The following PCDHA3 variants were observed in gnomAD, a reference collection of about 807,000 sequenced individuals.
PCDHA3 encodes the protein protocadherin alpha-3.
Under a neutral mutation model 62.2 loss-of-function variants are expected in PCDHA3, and 41 were observed. The ratio of observed to expected loss-of-function variants is 0.66; its 90% confidence interval spans 0.51 to 0.86. The LOEUF (loss-of-function observed/expected upper bound fraction) is 0.86. PCDHA3 is among the 40% of genes least tolerant of loss of function. The pLI is 0.00. For synonymous variants in PCDHA3, 640 were observed against 555.4 expected (o/e 1.15, Z -2.14); for missense variants, 1,304 against 1,241.2 (o/e 1.05, Z -0.76).
rs1465776999 is a variant in PCDHA3 at position 140,824,628 on chromosome 5, TTTTTA to T, written c.2394+21042_2394+21046del. ...AATTAAAGTTTTTTTTTTTTTTTTT[TTTTTA>T]TTTTCTGTAGAGATAGGGGTCTTGC... On this transcript the variant is annotated intron_variant, in intron 1 of 3. Coordinates refer to ENST00000522353, the MANE Select transcript of PCDHA3 (RefSeq NM_018906.3). The T allele has an allele frequency of 8.8e-4, 116 of 131,430 alleles. 1 individual carries two copies. Among genetic ancestry groups the T allele is most frequent in the African/African-American group, 3.0e-3 (87 of 28,634 alleles). 8.1% of individuals were successfully genotyped at this position (131,430 alleles called of 1,614,324 possible). A position where few individuals can be genotyped will look rare whatever the true frequency, so the allele number is the denominator to read the frequency against.
intron 3 of PCDHA3, among the ~76,000 whole-genome samples, chr5:141,002,660 T>C (rs1366913026): frequency 1.3e-5 from 2 of 152,170 alleles, no homozygotes; most frequent in Admixed American, 1.3e-4. Context: ...AGGGCTCTTG[T>C]CAGGACCAAA....
chr5:140,966,724 C>G (rs1357964806), intron 1 of PCDHA3: 25 of 1,396,170 alleles, frequency 1.8e-5, no homozygotes, highest in Non-Finnish European at 2.3e-5. Context: ...GGGAAGCTGC[C>G]GCCTCCGGCC....
Position 140,802,819 on chromosome 5 carries a change from G to C in PCDHA3, c.1622G>C (p.Gly541Ala). The C allele has an allele frequency of 1.9e-6, 3 of 1,613,580 alleles. No homozygotes were observed. Among genetic ancestry groups the C allele is most frequent in the Non-Finnish European group, 2.5e-6 (3 of 1,179,912 alleles). Residue 541 changes from glycine (G) to alanine (A), a missense_variant, in exon 1 of 4, where the codon GGC becomes GCC. Transcript: ENST00000522353. ...LQFQVSARDA[G>A]VPPLGSNVTL... ...TTCCAGGTGAGTGCGCGCGATGCGG[G>C]CGTGCCGCCTCTGGGCAGCAACGTG...
chr5:140,802,772 C>G lies in PCDHA3; in HGVS notation c.1575C>G (p.His525Gln). 1 of 1,613,090 alleles carries G rather than the reference C, an allele frequency of 6.2e-7. No individual in the cohort carries two copies. Among genetic ancestry groups the G allele is most frequent in the Non-Finnish European group, 8.5e-7 (1 of 1,179,894 alleles). Residue 525 changes from histidine (H) to glutamine (Q), a missense_variant, in exon 1 of 4, where the codon CAC becomes CAG. His to Gln is a conservative substitution (Grantham distance 24). Coordinates refer to ENST00000522353, the MANE Select transcript of PCDHA3 (RefSeq NM_018906.3). ...TGTACGCGCTGCAGCCGCTGGACCA[C>G]GAGGAGCTAGAGCTGCTGCAGTTCC... ...GKVYALQPLD[H>Q]EELELLQFQV... is the part of the protein sequence containing the mutation.
intron 1 of PCDHA3, chr5:140,852,656 G>C (rs2042430108): frequency 1.0e-6 from 1 of 961,570 alleles, no homozygotes; most frequent in African/African-American, 1.8e-5. Context: ...ATCTATATCT[G>C]TCTATCAGCA....
chr5:140,923,019 C>T (rs540025993), intron 1 of PCDHA3, among the ~76,000 whole-genome samples: 4 of 152,168 alleles, frequency 2.6e-5, no homozygotes, highest in South Asian at 2.1e-4. Context: ...ACTGCAGTTT[C>T]GGACTCTATT....
Position 140,801,673 on chromosome 5 carries a change from A to G in PCDHA3, c.476A>G (p.Asp159Gly), listed in dbSNP as rs557240435. The G allele has an allele frequency of 6.2e-7, 1 of 1,614,244 alleles. No homozygotes were observed. Among genetic ancestry groups the G allele is most frequent in the Admixed American group, 1.7e-5 (1 of 60,032 alleles). Reference sequence around the variant, plus strand: ...CGGTTTTCGCTAGAGGGCGCATCAGATGCAGATATCGGAACAAATTCGTTG... The same window carrying G: ...CGGTTTTCGCTAGAGGGCGCATCAGGTGCAGATATCGGAACAAATTCGTTG... ...GSRFSLEGAS[D>G]ADIGTNSLLT... Residue 159 changes from aspartate (D) to glycine (G), a missense_variant, in exon 1 of 4, where the codon GAT becomes GGT. Asp to Gly is a moderately conservative substitution (Grantham distance 94). Coordinates refer to ENST00000522353, the MANE Select transcript of PCDHA3 (RefSeq NM_018906.3).
intron 1 of PCDHA3, chr5:140,822,271 C>T: frequency 6.2e-7 from 1 of 1,614,210 alleles, no homozygotes; most frequent in Non-Finnish European, 8.5e-7. Context: ...AGCAAATGCA[C>T]AATTGAGATA....
At position 140,927,469 on chromosome 5, in the gene PCDHA3, C is replaced by G. The variant is rs17844359; in HGVS notation, c.2395-51480C>G. ...GTTGGTGTTGGAGAAAGCACTGGATCGCGAACAGCGCGCCACCCACCTGCT... is the reference window on the plus strand; with the variant it reads ...GTTGGTGTTGGAGAAAGCACTGGATGGCGAACAGCGCGCCACCCACCTGCT... On this transcript the variant is annotated intron_variant, in intron 1 of 3. Transcript: ENST00000522353. 39 of 1,613,964 alleles carry G rather than the reference C, an allele frequency of 2.4e-5. No individual in the cohort carries two copies. The highest frequency in any genetic ancestry group is 1.3e-4 in the South Asian group (12 of 91,094).
intron 1 of PCDHA3, among the ~76,000 whole-genome samples, chr5:140,908,003 C>G (rs1325602233): frequency 1.3e-5 from 2 of 152,164 alleles, no homozygotes; most frequent in Non-Finnish European, 2.9e-5. Context: ...ACCATCCAGC[C>G]AAACCACTGG....
At chr5:140,828,466 C>T in intron 1 of PCDHA3, 2 of 1,614,242 alleles carry the variant, frequency 1.2e-6, no homozygotes, top group East Asian at 2.2e-5. Flanking sequence ...AGGTGAGGGA[C>T]ATTAACGACA....
intron 1 of PCDHA3, among the ~76,000 whole-genome samples, chr5:140,936,528 T>C (rs2091012406): frequency 6.6e-6 from 1 of 152,244 alleles, no homozygotes; most frequent in Non-Finnish European, 1.5e-5. Flanking sequence ...TGAAATTGCT[T>C]TTGAATATAG....
At chr5:140,968,287 C>G (rs7712041) in intron 1 of PCDHA3, 1 of 1,613,902 alleles carries the variant, frequency 6.2e-7, no homozygotes, top group South Asian at 1.1e-5. Context: ...TGACCTACTC[C>G]CTTCTGGAGA....
intron 1 of PCDHA3, chr5:140,867,827 C>A (rs1219513690): frequency 2.0e-5 from 3 of 152,066 alleles, no homozygotes; most frequent in Non-Finnish European, 4.4e-5. Context: ...TCCACAAGCA[C>A]TAAGGTAATT....
chr5:140,801,888 A>T lies in PCDHA3; in HGVS notation c.691A>T (p.Thr231Ser). The T allele has an allele frequency of 6.2e-7, 1 of 1,614,168 alleles. No individual in the cohort carries two copies. Among genetic ancestry groups the T allele is most frequent in the Non-Finnish European group, 8.5e-7 (1 of 1,180,018 alleles). The change falls in exon 1 of 4, where the codon ACT (threonine) becomes TCT (serine). Residue 231 changes from threonine (T) to serine (S), a missense_variant. By Grantham distance (58) the Thr-to-Ser change is moderately conservative. Coordinates refer to ENST00000522353, the MANE Select transcript of PCDHA3 (RefSeq NM_018906.3). Reference protein sequence around the residue: ...ELTGTTQLKITVLDVNDNAPA... With the variant: ...ELTGTTQLKISVLDVNDNAPA... ...CACTGGCACGACTCAACTAAAGATC[A>T]CTGTTTTAGATGTAAACGACAACGC... is the stretch of plus-strand genomic sequence containing the variant.
chr5:140,858,039 T>C lies in PCDHA3; in HGVS notation c.2394+54448T>C, dbSNP rs782597618. On this transcript the variant is annotated intron_variant, in intron 1 of 3. Transcript: ENST00000522353. ...CCGTCGCTGACGGCCACGGCCACTG[T>C]GCTTGTGTCGCTTGTGGAGGGCAGC... 1.1e-5 allele frequency: 18 copies of C among 1,596,560 alleles called. 2 individuals are homozygous for C. The highest frequency in any genetic ancestry group is 5.5e-5 in the South Asian group (5 of 90,506).
intron 3 of PCDHA3, among the ~76,000 whole-genome samples, chr5:140,997,109 G>A (rs1293025484): frequency 1.3e-5 from 2 of 152,022 alleles, no homozygotes; most frequent in Non-Finnish European, 2.9e-5. Flanking sequence ...ATGCACTCCT[G>A]CTCTCCCACA....
intron 1 of PCDHA3, chr5:140,836,708 C>G: frequency 6.2e-7 from 1 of 1,613,192 alleles, no homozygotes; most frequent in Non-Finnish European, 8.5e-7. Flanking sequence ...TCAGTCCCAG[C>G]CTTCCTCAGG....
At chr5:140,870,227 A>G in intron 1 of PCDHA3, 1 of 1,614,142 alleles carries the variant, frequency 6.2e-7, no homozygotes, top group Non-Finnish European at 8.5e-7. Flanking sequence ...AGCGTGTCTG[A>G]CCGTGACTCA....
Sources: gnomAD v4.1 joint callset for allele counts (sites outside exome capture counted in the v4.1 genomes callset) on GRCh38, gnomAD v4.1.1 for gene constraint, MANE v1.5 for transcripts, NCBI Gene and HGNC (gene_info 2026-07-23, HGNC 2026-07-21) for gene names.